The following WNT7B variants were observed in gnomAD, a reference collection of about 807,000 sequenced individuals.
The protein encoded by WNT7B is Wnt family member 7B, also known as protein Wnt-7b.
In WNT7B, 19 loss-of-function variants were observed where a neutral mutation model predicts 38.2. The observed-to-expected ratio is 0.50, with a 90% CI of 0.35 to 0.73. The LOEUF is 0.73. WNT7B is among the 30% of genes least tolerant of loss of function. The probability of loss-of-function intolerance (pLI) is 0.01; values close to 1 mark genes in which losing one functional copy is unlikely to be tolerated. For missense variants in WNT7B, 423 were observed against 507.9 expected (o/e 0.83, Z 1.61); for synonymous variants, 243 against 209.3 (o/e 1.16, Z -1.39).
chr22:45,961,915 G>A (rs1266550481), intron 1 of WNT7B, among the ~76,000 whole-genome samples: 1 of 152,182 alleles, frequency 6.6e-6, no homozygotes, highest in Non-Finnish European at 1.5e-5. Flanking sequence ...CTGGCCTGCT[G>A]GTGGGTGGGG....
chr22:45,960,856 T>G (rs111417037), intron 1 of WNT7B, among the ~76,000 whole-genome samples: 5 of 152,272 alleles, frequency 3.3e-5, no homozygotes, highest in African/African-American at 1.2e-4. Flanking sequence ...TCCATCCATA[T>G]AGGGGCTCTT....
At chr22:45,968,509 T>C (rs1353407774) in intron 1 of WNT7B, among the ~76,000 whole-genome samples, 1 of 152,190 alleles carries the variant, frequency 6.6e-6, no homozygotes, top group African/African-American at 2.4e-5. Flanking sequence ...TGAGTCACTA[T>C]CATGCCCTTT....
At position 45,948,827 on chromosome 22, in the gene WNT7B, C is replaced by CTT. The variant is rs749735538; in HGVS notation, c.298+1091_298+1092dup. Among the ~76,000 whole-genome samples the CTT allele has an allele frequency of 9.7e-3, 870 of 90,126 alleles. 17 individuals carry two copies. The highest frequency in any genetic ancestry group is 0.011 in the Non-Finnish European group (511 of 46,050). 59.1% of individuals were successfully genotyped at this position (90,126 alleles called of 152,430 possible). A position where few individuals can be genotyped will look rare whatever the true frequency, so the allele number is the denominator to read the frequency against. On this transcript the variant is annotated intron_variant, in intron 2 of 3. Coordinates refer to ENST00000339464, the MANE Select transcript of WNT7B (RefSeq NM_058238.3). Reference sequence around the variant, plus strand: ...AACCCAGGTCAGGCTCCAAAGATCCCTTTTTTTTTTTTTTTTTTTTTTTTT... The same window carrying CTT: ...AACCCAGGTCAGGCTCCAAAGATCCCTTTTTTTTTTTTTTTTTTTTTTTTTTT...
intron 1 of WNT7B, among the ~76,000 whole-genome samples, chr22:45,960,256 G>A (rs1048873033): frequency 4.6e-5 from 7 of 152,012 alleles, no homozygotes; most frequent in African/African-American, 1.2e-4. Flanking sequence ...ATGCTGGCCC[G>A]CCCCCGACCT....
chr22:45,966,215 C>T lies in WNT7B; in HGVS notation c.71+10469G>A, dbSNP rs1932307568. The stretch of plus-strand genomic sequence containing the variant: ...TGGGAATGCCTCATCCTGTGTCCCC[C>T]AGGCGGGGGTCTGCAGGGCAGGCAG... On this transcript the variant is annotated intron_variant, in intron 1 of 3. Transcript: ENST00000339464. This position sits in a 1 kb window ranked among gnomAD's most constrained non-coding sequence, Gnocchi z 4.2. Among the ~76,000 whole-genome samples, 1 of 152,222 alleles carries T rather than the reference C, an allele frequency of 6.6e-6. No homozygotes were observed. Among genetic ancestry groups the T allele is most frequent in the Non-Finnish European group, 1.5e-5 (1 of 68,034 alleles).
Position 45,923,143 on chromosome 22 carries a change from T to G in WNT7B, c.763A>C (p.Lys255Gln). Residue 255 changes from lysine (K) to glutamine (Q), a missense_variant, in exon 4 of 4, where the codon AAA (lysine) becomes CAA (glutamine). By Grantham distance (53) the Lys-to-Gln change is moderately conservative (BLOSUM62 1). Transcript: ENST00000339464. ...GGCTTCTGATAGCTGCGCAGCTGTT[T>G]GATGCGCAGGAAGGTGGGCTGCCGC... ...RLRQPTFLRI[K>Q]QLRSYQKPME... 6.2e-7 allele frequency: 1 copy of G among 1,613,604 alleles called. No homozygotes were observed. The highest frequency in any genetic ancestry group is 8.5e-7 in the Non-Finnish European group (1 of 1,180,008).
rs944811774 is a variant in WNT7B at position 45,920,733 on chromosome 22, TGAGGG to T, written c.*2118_*2122del. 2.2e-5 allele frequency: 1 copy of T among 45,274 alleles called. No individual in the cohort carries two copies. The highest frequency in any genetic ancestry group is 8.5e-5 in the African/African-American group (1 of 11,706). 2.8% of individuals were successfully genotyped at this position (45,274 alleles called of 1,614,324 possible). On this transcript the variant is annotated 3_prime_UTR_variant, in exon 4 of 4. Transcript: ENST00000339464. ...ATGGGGGATGGGATGAGGGATGAGATGAGGGATGGGATGGGATGGGGGATGAGGGA... is the reference window on the plus strand; with the variant it reads ...ATGGGGGATGGGATGAGGGATGAGATATGGGATGGGATGGGGGATGAGGGA...
chr22:45,972,291 G>C, intron 1 of WNT7B: 1 of 550,484 alleles, frequency 1.8e-6, no homozygotes, highest in South Asian at 2.2e-5. Context: ...CGGGCGCCTG[G>C]GCCAGCTGAG....
intron 3 of WNT7B, chr22:45,927,135 C>G (rs1316580930): frequency 1.0e-6 from 1 of 985,340 alleles, no homozygotes; most frequent in African/African-American, 1.7e-5. Flanking sequence ...GGGGCATGGC[C>G]TCTGTCTGCC....
In WNT7B at chr22:45,922,712, C is replaced by T. The variant is rs1930962352; in HGVS notation, c.*144G>A. 7.4e-7 allele frequency: 1 copy of T among 1,342,428 alleles called. No homozygotes were observed. The highest frequency in any genetic ancestry group is 9.9e-7 in the Non-Finnish European group (1 of 1,007,226). The allele number at this position is 1,342,428 out of a possible 1,614,324, so 83.2% of individuals were successfully genotyped here. A position where few individuals can be genotyped will look rare whatever the true frequency, so the allele number is the denominator to read the frequency against. ...GGCGGGCAGAGGGCGTGGGCCCCGG[C>T]CGGTGCCCTCCTGCACCTGGAGCTC... On this transcript the variant is annotated 3_prime_UTR_variant, in exon 4 of 4. Transcript: ENST00000339464.
intron 3 of WNT7B, chr22:45,926,463 G>A: frequency 4.1e-6 from 4 of 985,394 alleles, no homozygotes; most frequent in Non-Finnish European, 4.8e-6. Context: ...TAAGGGTGTA[G>A]CCTGTGCTCT....
rs1932543651 is a variant in WNT7B at position 45,976,062 on chromosome 22, G to GCCCCGGGCGGGCGGGGCACGGGCCCCGGA, written c.71+593_71+621dup. 2 of 145,056 alleles carry GCCCCGGGCGGGCGGGGCACGGGCCCCGGA rather than the reference G, an allele frequency of 1.4e-5. No homozygotes were observed. Among genetic ancestry groups the GCCCCGGGCGGGCGGGGCACGGGCCCCGGA allele is most frequent in the Non-Finnish European group, 3.1e-5 (2 of 65,218 alleles). The allele number at this position is 145,056 out of a possible 1,614,324, so 9.0% of individuals were successfully genotyped here. On this transcript the variant is annotated intron_variant, in intron 1 of 3. Transcript: ENST00000339464. The surrounding 1 kb of genome is among the most constrained non-coding windows in gnomAD (Gnocchi z 8.5). Reference sequence around the variant, plus strand: ...GAGGGGGCCGGGCCCAGGGCCCAGGGCCCCGGGCGGGCGGGGCACGGGCCC... The same window carrying GCCCCGGGCGGGCGGGGCACGGGCCCCGGA: ...GAGGGGGCCGGGCCCAGGGCCCAGGGCCCCGGGCGGGCGGGGCACGGGCCCCGGACCCCGGGCGGGCGGGGCACGGGCCC...
At chr22:45,933,878 C>G (rs1209119618) in intron 2 of WNT7B, among the ~76,000 whole-genome samples, 2 of 152,170 alleles carry the variant, frequency 1.3e-5, no homozygotes, top group African/African-American at 2.4e-5. Context: ...GGGAGAATGT[C>G]TCGCAAGCAG....
At chr22:45,940,771 G>A (rs1425910297) in intron 2 of WNT7B, among the ~76,000 whole-genome samples, 1 of 152,210 alleles carries the variant, frequency 6.6e-6, no homozygotes, top group Non-Finnish European at 1.5e-5. Context: ...GGTGGCCAAT[G>A]AGTGCTCCTC....
rs1931502337 is a variant in WNT7B, at chr22:45,935,870, G to A, written c.299-4501C>T. ...AGCAGCTGCCCTAGATGTGTGTGGT[G>A]ATGGGGAAGCTGGATGAGGGCAGCA... On this transcript the variant is annotated intron_variant, in intron 2 of 3. Coordinates refer to ENST00000339464, the MANE Select transcript of WNT7B (RefSeq NM_058238.3). 4 of 985,266 alleles carry A rather than the reference G, an allele frequency of 4.1e-6. No homozygotes were observed. The Admixed American group carries it at 2.5e-4, about 61-fold the overall frequency. 61.0% of individuals were successfully genotyped at this position (985,266 alleles called of 1,614,324 possible).
In WNT7B at chr22:45,923,133, C is replaced by G. The variant is rs748420070; in HGVS notation, c.773G>C (p.Arg258Pro). Reference protein sequence around the residue: ...QPTFLRIKQLRSYQKPMETDL... With the variant: ...QPTFLRIKQLPSYQKPMETDL... ...TGTCTCCATGGGCTTCTGATAGCTG[C>G]GCAGCTGTTTGATGCGCAGGAAGGT... Residue 258 changes from arginine (R) to proline (P), a missense_variant, in exon 4 of 4, where the codon CGC becomes CCC. Coordinates refer to ENST00000339464, the MANE Select transcript of WNT7B (RefSeq NM_058238.3). 6.2e-7 allele frequency: 1 copy of G among 1,613,648 alleles called. No individual in the cohort carries two copies. The highest frequency in any genetic ancestry group is 2.2e-5 in the East Asian group (1 of 44,882).
intron 1 of WNT7B, among the ~76,000 whole-genome samples, chr22:45,973,055 C>T (rs193201863): frequency 1.2e-3 from 185 of 152,380 alleles, no homozygotes; most frequent in African/African-American, 4.2e-3. Flanking sequence ...GCTTGCACGA[C>T]CCTGCCTGGG....
At position 45,930,400 on chromosome 22, in the gene WNT7B, A is replaced by C. The variant is rs540325180; in HGVS notation, c.570+698T>G. 1.4e-3 allele frequency among the ~76,000 whole-genome samples: 210 copies of C among 148,358 alleles called. 1 individual carries two copies. The highest frequency in any genetic ancestry group is 4.8e-3 in the African/African-American group (199 of 41,290). On this transcript the variant is annotated intron_variant, in intron 3 of 3. Transcript: ENST00000339464. ...TGCAGCCCCCAGGCCTCGGAGCCGG[A>C]GCCGGCTGGGCGTTCCACTTGGCTG...
At chr22:45,973,037 G>A (rs1185433133) in intron 1 of WNT7B, among the ~76,000 whole-genome samples, 1 of 152,244 alleles carries the variant, frequency 6.6e-6, no homozygotes, top group Non-Finnish European at 1.5e-5. Context: ...GCCTTGTGCT[G>A]GTGCTGAGCT....
Sources: allele counts gnomAD v4.1 joint callset (sites outside exome capture counted in the v4.1 genomes callset), GRCh38; gene constraint gnomAD v4.1.1; non-coding constraint Gnocchi (gnomAD v3.1); transcripts MANE v1.5; gene names NCBI Gene and HGNC (gene_info 2026-07-23, HGNC 2026-07-21).